SEMA3C: variants seen among roughly 807,000 people sequenced by gnomAD.
SEMA3C encodes the protein semaphorin 3C.
SEMA3C carries 47 observed loss-of-function variants against 89.4 expected under a neutral mutation model. That is an observed-to-expected ratio of 0.53 (90% CI 0.42 to 0.67). SEMA3C has a LOEUF of 0.67. Among genes scored for constraint, SEMA3C ranks in the 30% least tolerant of loss-of-function variants. The pLI is 0.00. For missense variants in SEMA3C, 839 were observed against 929.1 expected, an observed-to-expected ratio of 0.90 and a Z score of 1.26; for synonymous variants, 310 against 320.2, an observed-to-expected ratio of 0.97 and a Z score of 0.34.
chr7:80,863,648 A>G (rs1228591104), intron 2 of SEMA3C, among the ~76,000 whole-genome samples: 2 of 149,772 alleles, frequency 1.3e-5, no homozygotes, highest in Non-Finnish European at 1.5e-5. Flanking sequence ...AAACTGTGGT[A>G]TATATATATC....
At chr7:80,864,160 T>C (rs1359558114) in intron 2 of SEMA3C, among the ~76,000 whole-genome samples, 1 of 151,988 alleles carries the variant, frequency 6.6e-6, no homozygotes, top group Non-Finnish European at 1.5e-5. Flanking sequence ...CCAAACTTTG[T>C]ATGCTGTTAG....
intron 2 of SEMA3C, among the ~76,000 whole-genome samples, chr7:80,853,878 T>C (rs1790572693): frequency 6.6e-6 from 1 of 150,758 alleles, no homozygotes; most frequent in Non-Finnish European, 1.5e-5. Flanking sequence ...AAATATCTTA[T>C]GTACCCCATA....
intron 3 of SEMA3C, among the ~76,000 whole-genome samples, 183 bp downstream of exon 3, chr7:80,828,402 G>C (rs1789925897): frequency 6.6e-6 from 1 of 152,086 alleles, no homozygotes; most frequent in African/African-American, 2.4e-5. Flanking sequence ...TATGGAACTA[G>C]ACGATGAGAA....
chr7:80,745,970 A>C (rs1382170748), intron 17 of SEMA3C, among the ~76,000 whole-genome samples: 1 of 152,152 alleles, frequency 6.6e-6, no homozygotes, highest in Non-Finnish European at 1.5e-5. Context: ...CTATGAATTA[A>C]TATTTAATTA....
chr7:80,887,092 T>A (rs1293979729), intron 2 of SEMA3C, among the ~76,000 whole-genome samples: 1 of 152,166 alleles, frequency 6.6e-6, no homozygotes, highest in Non-Finnish European at 1.5e-5. Flanking sequence ...ATTAAAATAT[T>A]CCCTTAAAAG....
At chr7:80,886,202 CCT>C (rs1491113127) in intron 2 of SEMA3C, among the ~76,000 whole-genome samples, 1 of 147,716 alleles carries the variant, frequency 6.8e-6, no homozygotes, top group African/African-American at 2.7e-5. Context: ...ATCAAGTCTA[CCT>C]TTTTTTTTTA....
At chr7:80,886,987 T>C (rs1251792357) in intron 2 of SEMA3C, among the ~76,000 whole-genome samples, 1 of 152,168 alleles carries the variant, frequency 6.6e-6, no homozygotes, top group Admixed American at 6.5e-5. Flanking sequence ...TGTGTGCATG[T>C]TTGTATAAAA....
Position 80,742,933 on chromosome 7 carries a change from G to T in SEMA3C, c.*1961C>A, listed in dbSNP as rs1787714657. 6.6e-6 allele frequency: 1 copy of T among 151,848 alleles called. No homozygotes were observed. Among genetic ancestry groups the T allele is most frequent in the African/African-American group, 2.4e-5 (1 of 41,404 alleles). The allele number at this position is 151,848 out of a possible 1,614,324, so 9.4% of individuals were successfully genotyped here. A position where few individuals can be genotyped will look rare whatever the true frequency, so the allele number is the denominator to read the frequency against. ...AATTTAATAATTGTGAAAATAGAAA[G>T]AATTAAATAGCACAAATATAGTATA... On this transcript the variant is annotated 3_prime_UTR_variant, in exon 18 of 18. Transcript: ENST00000265361.
chr7:80,780,371 T>C (rs1038712719), intron 12 of SEMA3C, among the ~76,000 whole-genome samples: 1 of 152,218 alleles, frequency 6.6e-6, no homozygotes, highest in Non-Finnish European at 1.5e-5. Flanking sequence ...TATTACTATG[T>C]TATTCTATAC....
intron 2 of SEMA3C, among the ~76,000 whole-genome samples, chr7:80,888,960 T>C (rs565104447): frequency 6.6e-6 from 1 of 152,128 alleles, no homozygotes; most frequent in South Asian, 2.1e-4. Flanking sequence ...GCCTCCCAGG[T>C]TCAAGTGATT....
At chr7:80,784,134 G>C (rs1392724099) in intron 12 of SEMA3C, among the ~76,000 whole-genome samples, 2 of 151,996 alleles carry the variant, frequency 1.3e-5, no homozygotes, top group African/African-American at 2.4e-5. Flanking sequence ...AGGAAAACTG[G>C]CAAAAATCTC....
chr7:80,761,481 C>T, intron 14 of SEMA3C, 135 bp downstream of exon 14: 1 of 475,718 alleles, frequency 2.1e-6, no homozygotes, highest in East Asian at 4.1e-5. Context: ...TTAAAGGTGA[C>T]TTTGCGGTAT....
chr7:80,857,234 G>A (rs1471814480), intron 2 of SEMA3C, among the ~76,000 whole-genome samples: 1 of 152,066 alleles, frequency 6.6e-6, no homozygotes, highest in African/African-American at 2.4e-5. Context: ...ATTTTCCCAA[G>A]AAGAGCACAT....
chr7:80,904,942 C>T (rs1401847732), intron 2 of SEMA3C, among the ~76,000 whole-genome samples: 1 of 151,842 alleles, frequency 6.6e-6, no homozygotes, highest in East Asian at 2.0e-4. Context: ...ATTACAGTTT[C>T]TTTTTCCTGA....
chr7:80,802,425 C>T (rs1422338994), intron 9 of SEMA3C, among the ~76,000 whole-genome samples: 1 of 152,126 alleles, frequency 6.6e-6, no homozygotes, highest in Non-Finnish European at 1.5e-5. Flanking sequence ...CAAACACACA[C>T]ATTCATTCAT....
intron 12 of SEMA3C, among the ~76,000 whole-genome samples, chr7:80,787,390 TAAA>T (rs1179102219): frequency 2.7e-4 from 27 of 99,882 alleles, no homozygotes; most frequent in South Asian, 3.8e-4. Context: ...AGACTCCGTT[TAAA>T]AAAAAAAAAA....
At chr7:80,884,048 A>G (rs1412472013) in intron 2 of SEMA3C, among the ~76,000 whole-genome samples, 1 of 152,190 alleles carries the variant, frequency 6.6e-6, no homozygotes, top group Non-Finnish European at 1.5e-5. Flanking sequence ...ACTTGTTAAC[A>G]TGGTACATTT....
chr7:80,835,025 A>G (rs1790093528), intron 2 of SEMA3C, among the ~76,000 whole-genome samples: 2 of 152,144 alleles, frequency 1.3e-5, no homozygotes, highest in Admixed American at 1.3e-4. Context: ...CCAATTGTAT[A>G]CCTGTCAAAC....
intron 2 of SEMA3C, among the ~76,000 whole-genome samples, chr7:80,846,915 C>T (rs1405769356): frequency 6.6e-6 from 1 of 152,138 alleles, no homozygotes; most frequent in Non-Finnish European, 1.5e-5. Context: ...GATTAGAACT[C>T]CAGAAAGCTG....
Sources: gnomAD v4.1 joint callset for allele counts (sites outside exome capture counted in the v4.1 genomes callset) on GRCh38, gnomAD v4.1.1 for gene constraint, MANE v1.5 for transcripts, NCBI Gene and HGNC (gene_info 2026-07-23, HGNC 2026-07-21) for gene names.